Variants in CFAP92 observed in about 807,000 individuals in gnomAD.
The protein encoded by CFAP92 is cilia and flagella associated protein 92 (putative).
In CFAP92, 86 loss-of-function variants were observed where a neutral mutation model predicts 106.3. That is an observed-to-expected ratio of 0.81 (90% CI 0.68 to 0.97). The LOEUF is 0.97. Among genes scored for constraint, CFAP92 ranks in the 50% least tolerant of loss-of-function variants. The pLI is 0.00. For missense variants in CFAP92, 1,204 were observed against 1,283.8 expected (o/e 0.94, Z 0.95); for synonymous variants, 477 against 506.4 (o/e 0.94, Z 0.78).
chr3:128,972,872 AAGAT>A (rs1333587760), intron 7 of CFAP92, among the ~76,000 whole-genome samples: 6 of 151,868 alleles, frequency 4.0e-5, no homozygotes, highest in African/African-American at 1.2e-4. Flanking sequence ...AAAAAAAAAA[AAGAT>A]AGAGAGATGA....
chr3:128,948,377 C>CTTTTTTTTTTTT (rs4040748), intron 9 of CFAP92, among the ~76,000 whole-genome samples: 2 of 79,708 alleles, frequency 2.5e-5, no homozygotes, highest in Non-Finnish European at 2.5e-5. Context: ...CTTTTCTTTC[C>CTTTTTTTTTTTT]TTTTTTTTTT....
chr3:129,001,994 C>T (rs1471460098), intron 1 of CFAP92: 1 of 1,546,012 alleles, frequency 6.5e-7, no homozygotes, highest in Non-Finnish European at 8.7e-7. Context: ...CGGACGGGGA[C>T]TCAGATACCG....
At chr3:128,968,087 A>G (rs1027568474) in intron 8 of CFAP92, 1 of 152,202 alleles carries the variant, frequency 6.6e-6, no homozygotes, top group Non-Finnish European at 1.5e-5. Flanking sequence ...ACATGCGCTA[A>G]TGTCATTTCA....
intron 10 of CFAP92, among the ~76,000 whole-genome samples, chr3:128,938,537 A>G (rs1405736441): frequency 6.8e-6 from 1 of 147,240 alleles, no homozygotes; most frequent in Non-Finnish European, 1.5e-5. Flanking sequence ...TCTGTCTCCC[A>G]GGCTGGAGTA....
At chr3:129,003,336 G>A (rs1411710023), upstream of CFAP92, 2 of 955,964 alleles carry the variant, frequency 2.1e-6, no homozygotes, top group African/African-American at 1.8e-5. Flanking sequence ...TAGGCTCTGG[G>A]AACACACCAG....
chr3:128,935,088 C>T (rs754228581), intron 11 of CFAP92, 37 bp downstream of exon 11: 13 of 1,459,246 alleles, frequency 8.9e-6, no homozygotes, highest in South Asian at 4.0e-5. Flanking sequence ...CCCCTCCCGC[C>T]GGGGCGCAGG....
intron 12 of CFAP92, among the ~76,000 whole-genome samples, chr3:128,918,364 T>G (rs955041549): frequency 6.6e-6 from 1 of 152,146 alleles, no homozygotes; most frequent in Non-Finnish European, 1.5e-5. Flanking sequence ...TCCCAGCCAC[T>G]TGGGAAGCTG....
At chr3:128,916,612 AT>A (rs1936837247) in intron 12 of CFAP92, among the ~76,000 whole-genome samples, 1 of 151,892 alleles carries the variant, frequency 6.6e-6, no homozygotes, top group South Asian at 2.1e-4. Context: ...GACAGGGGAT[AT>A]TACAACCTAA....
chr3:128,993,624 C>T, intron 1 of CFAP92: 1 of 388,856 alleles, frequency 2.6e-6, no homozygotes, highest in South Asian at 2.5e-5. Flanking sequence ...TTCTGGAATG[C>T]CTGCCCCAGG....
intron 10 of CFAP92, among the ~76,000 whole-genome samples, chr3:128,938,739 G>A (rs958048905): frequency 6.6e-6 from 1 of 151,926 alleles, no homozygotes. Flanking sequence ...TGATCCGCCC[G>A]CCTCAGCCTC....
upstream of CFAP92, chr3:129,003,941 C>A (rs1350924275): frequency 2.1e-6 from 3 of 1,402,306 alleles, no homozygotes; most frequent in Admixed American, 9.1e-5. Context: ...GGCCGAGGTG[C>A]GGCGGCGCGC....
In CFAP92 at chr3:128,939,925, G is replaced by C. The variant is rs371927917; in HGVS notation, c.2259-4606C>G. On this transcript the variant is annotated intron_variant, in intron 10 of 15. Transcript: ENST00000645291. ...AGGCAGAGCTTGCTGACCTCCTGCT[G>C]TGCAGCCCAGTTCCTAACAGGCCAG... Among the ~76,000 whole-genome samples, 32 of 152,366 alleles carry C rather than the reference G, an allele frequency of 2.1e-4. No homozygotes were observed. The East Asian group carries it at 5.4e-3, about 26-fold the overall frequency.
chr3:128,939,601 C>T (rs919794888), intron 10 of CFAP92, among the ~76,000 whole-genome samples: 2 of 152,114 alleles, frequency 1.3e-5, no homozygotes, highest in Admixed American at 6.5e-5. Context: ...CCTCAGCTAT[C>T]GCTCCGTATA....
At chr3:128,963,087 T>A (rs1942074255) in intron 9 of CFAP92, among the ~76,000 whole-genome samples, 1 of 152,216 alleles carries the variant, frequency 6.6e-6, no homozygotes, top group Non-Finnish European at 1.5e-5. Context: ...ACAGCCCCCA[T>A]TACTTCAGTC....
At chr3:129,006,891 T>C (rs775772515), upstream of CFAP92, among the ~76,000 whole-genome samples, 3 of 151,722 alleles carry the variant, frequency 2.0e-5, no homozygotes, top group Non-Finnish European at 4.4e-5. Context: ...GCTCTCACTC[T>C]GAAAAGAAGG....
intron 12 of CFAP92, among the ~76,000 whole-genome samples, chr3:128,921,237 GA>G (rs1345417149): frequency 6.6e-6 from 1 of 152,178 alleles, no homozygotes. Flanking sequence ...CCCAGTGAAG[GA>G]ACACTAGAGT....
At chr3:129,003,380 T>C, upstream of CFAP92, 1 of 740,344 alleles carries the variant, frequency 1.4e-6, no homozygotes, top group Non-Finnish European at 1.6e-6. Context: ...CAAAAGCCTC[T>C]AGTGAGCAGG....
Position 128,921,320 on chromosome 3 carries a change from C to T in CFAP92, c.2752-5049G>A, listed in dbSNP as rs370364615. Among the ~76,000 whole-genome samples the T allele has an allele frequency of 5.9e-5, 9 of 152,298 alleles. 1 individual carries two copies. Among genetic ancestry groups the T allele is most frequent in the African/African-American group, 2.2e-4 (9 of 41,564 alleles). On this transcript the variant is annotated intron_variant, in intron 12 of 15. Coordinates refer to ENST00000645291, the MANE Select transcript of CFAP92 (RefSeq NM_001394090.1). The stretch of plus-strand genomic sequence containing the variant: ...AGAAGCTCAGCAGGAAAGCTGAGCA[C>T]TCGGAAGGACCAGGGTAACAATGGC...
intron 12 of CFAP92, among the ~76,000 whole-genome samples, chr3:128,917,970 G>A (rs920786635): frequency 2.4e-4 from 36 of 152,168 alleles, no homozygotes; most frequent in Admixed American, 2.3e-3. Context: ...TATTATTAGT[G>A]GGATTTAAGC....
Sources: allele counts gnomAD v4.1 joint callset (sites outside exome capture counted in the v4.1 genomes callset), GRCh38; gene constraint gnomAD v4.1.1; transcripts MANE v1.5; gene names NCBI Gene and HGNC (gene_info 2026-07-23, HGNC 2026-07-21).